Variants in CHAF1B observed in about 807,000 individuals in gnomAD.
CHAF1B encodes the protein CAF-1 subunit B.
A neutral mutation model predicts 60.7 loss-of-function variants in CHAF1B; 10 were observed. That is an observed-to-expected ratio of 0.16 (90% CI 0.10 to 0.28). The LOEUF is 0.28. Ranked by LOEUF, CHAF1B falls within the 10% of genes least tolerant of loss-of-function variation. CHAF1B has a pLI of 1.00. For missense variants in CHAF1B, 558 were observed against 708.4 expected (o/e 0.79, Z 2.41); for synonymous variants, 261 against 266.1 (o/e 0.98, Z 0.19).
intron 11 of CHAF1B, 124 bp from the exon 12 acceptor site, chr21:36,412,760 A>T (rs2086287674): frequency 1.2e-6 from 1 of 846,426 alleles, no homozygotes; most frequent in Non-Finnish European, 1.8e-6. Flanking sequence ...ACTCTTTTCC[A>T]GTTGTATCTT....
intron 8 of CHAF1B, among the ~76,000 whole-genome samples, chr21:36,406,318 C>T (rs1368855305): frequency 5.9e-5 from 9 of 152,088 alleles, no homozygotes; most frequent in Non-Finnish European, 1.3e-4. Flanking sequence ...AGGGTTTCAC[C>T]CTTGTCGCCC....
At position 36,413,262 on chromosome 21, in the gene CHAF1B, A is replaced by C. The variant is rs374268527; in HGVS notation, c.1440A>C (p.Pro480=). The C allele has an allele frequency of 2.2e-5, 36 of 1,613,106 alleles. No homozygotes were observed. The African/African-American group carries it at 4.8e-4, about 22-fold the overall frequency. The change falls in exon 12 of 14, where the codon CCA becomes CCC. Residue 480 remains proline (P), a synonymous_variant. Coordinates refer to ENST00000314103, the MANE Select transcript of CHAF1B (RefSeq NM_005441.3). ...QPSSQNTKAH[P]SRRVTLNTLQ... ...GTAGTCAAAACACAAAAGCCCACCC[A>C]TCCCGGAGGGTCACTCTGAACACAC...
Position 36,387,653 on chromosome 21 carries a change from A to C in CHAF1B, c.182A>C (p.Asn61Thr). ...DGKAIVEFLS[N>T]LARHTKAVNV... The stretch of plus-strand genomic sequence containing the variant: ...AAAGCCATCGTGGAATTTTTGTCCA[A>C]TCTTGCTCGTCATACCAAAGCCGTC... The change falls in exon 3 of 14, where the codon AAT becomes ACT. Residue 61 changes from asparagine to threonine, a missense_variant. Physicochemically the swap from Asn to Thr is moderately conservative, Grantham distance 65. Coordinates refer to ENST00000314103, the MANE Select transcript of CHAF1B (RefSeq NM_005441.3). The C allele has an allele frequency of 6.2e-7, 1 of 1,614,174 alleles. No homozygotes were observed. Among genetic ancestry groups the C allele is most frequent in the South Asian group, 1.1e-5 (1 of 91,086 alleles).
chr21:36,410,007 A>G (rs182436629), intron 10 of CHAF1B, among the ~76,000 whole-genome samples: 370 of 148,032 alleles, frequency 2.5e-3, no homozygotes, highest in Non-Finnish European at 4.4e-3. Flanking sequence ...TCTGTCGCCC[A>G]GGCTGGAGTG....
At position 36,411,373 on chromosome 21, in the gene CHAF1B, C is replaced by T. The variant is rs1490435560; in HGVS notation, c.920-90C>T. On this transcript the variant is annotated intron_variant, in intron 10 of 13. Coordinates refer to ENST00000314103, the MANE Select transcript of CHAF1B (RefSeq NM_005441.3). ...AAGTGATCCACCCGGCTCGGCCTCC[C>T]AAAGTGCTGGGATTCTAGGCGTGAG... The T allele has an allele frequency of 6.5e-6, 10 of 1,530,314 alleles. No individual in the cohort carries two copies. The African/African-American group carries it at 9.6e-5, about 15-fold the overall frequency. 94.8% of individuals were successfully genotyped at this position (1,530,314 alleles called of 1,614,324 possible). A position where few individuals can be genotyped will look rare whatever the true frequency, so the allele number is the denominator to read the frequency against.
At position 36,413,419 on chromosome 21, in the gene CHAF1B, A is replaced by G. The variant is rs2086294323; in HGVS notation, c.1493+104A>G. The stretch of plus-strand genomic sequence containing the variant: ...TGAAATTTCAGGCGGTGAATGCTTC[A>G]TGCCAGTAGGTTGCCAGAGAGATTC... On this transcript the variant is annotated intron_variant, in intron 12 of 13. Transcript: ENST00000314103. 4.6e-6 allele frequency: 5 copies of G among 1,087,770 alleles called. No homozygotes were observed. In the South Asian group the frequency reaches 4.9e-5, roughly 11 times the overall value. The allele number at this position is 1,087,770 out of a possible 1,614,324, so 67.4% of individuals were successfully genotyped here.
At chr21:36,386,020 C>A (rs2086028988) in intron 1 of CHAF1B, 40 bp from the exon 2 acceptor site, 1 of 1,277,324 alleles carries the variant, frequency 7.8e-7, no homozygotes, top group Non-Finnish European at 1.1e-6. Context: ...GCTCAATAAC[C>A]CTTTGCTGCT....
At chr21:36,403,287 C>G (rs1284848838) in intron 8 of CHAF1B, among the ~76,000 whole-genome samples, 1 of 151,420 alleles carries the variant, frequency 6.6e-6, no homozygotes, top group African/African-American at 2.4e-5. Flanking sequence ...GTGAAACACC[C>G]TCTCTATTAA....
intron 4 of CHAF1B, among the ~76,000 whole-genome samples, chr21:36,394,064 A>ATT (rs996810974): frequency 8.3e-6 from 1 of 119,828 alleles, no homozygotes; most frequent in African/African-American, 3.2e-5. Context: ...ACACCTGGCT[A>ATT]TTTTTTTTTT....
chr21:36,400,070 G>C (rs1331364402), intron 7 of CHAF1B, among the ~76,000 whole-genome samples: 1 of 152,062 alleles, frequency 6.6e-6, no homozygotes, highest in African/African-American at 2.4e-5. Context: ...CCAGCTACTC[G>C]GGAGGCTGAG....
intron 4 of CHAF1B, among the ~76,000 whole-genome samples, chr21:36,393,836 C>T (rs552565367): frequency 1.1e-4 from 16 of 152,216 alleles, no homozygotes; most frequent in African/African-American, 1.7e-4. Context: ...CATTTTAATG[C>T]TTAGTTCTGG....
intron 13 of CHAF1B, chr21:36,415,652 C>G: frequency 4.0e-6 from 2 of 504,492 alleles, no homozygotes; most frequent in Non-Finnish European, 7.2e-6. Context: ...GACTGCTGAC[C>G]TTGTGGGCCA....
intron 5 of CHAF1B, 80 bp downstream of exon 5, chr21:36,394,730 C>CTTTT (rs370521957): frequency 3.3e-5 from 18 of 539,148 alleles, no homozygotes; most frequent in Non-Finnish European, 4.0e-5. Context: ...CTTGCTTTAA[C>CTTTT]TTTTTTTTTT....
chr21:36,407,324 G>A (rs952282680), intron 8 of CHAF1B, among the ~76,000 whole-genome samples: 2 of 150,934 alleles, frequency 1.3e-5, no homozygotes, highest in African/African-American at 4.9e-5. Flanking sequence ...AAAAGTATAT[G>A]TTCAAGGATG....
chr21:36,394,731 T>TA, intron 5 of CHAF1B, 81 bp downstream of exon 5: 2 of 162,806 alleles, frequency 1.2e-5, no homozygotes, highest in East Asian at 1.8e-4. Flanking sequence ...TTGCTTTAAC[T>TA]TTTTTTTTTT....
At chr21:36,408,706 C>G in intron 8 of CHAF1B, 55 bp from the exon 9 acceptor site, 1 of 1,259,960 alleles carries the variant, frequency 7.9e-7, no homozygotes, top group Non-Finnish European at 1.2e-6. Flanking sequence ...TGTTGGTGAA[C>G]AGTTTGCTGA....
At chr21:36,396,848 T>G (rs2086144259) in intron 5 of CHAF1B, among the ~76,000 whole-genome samples, 1 of 152,186 alleles carries the variant, frequency 6.6e-6, no homozygotes, top group African/African-American at 2.4e-5. Context: ...CTCTTTGTCA[T>G]CTTCTAAACC....
intron 11 of CHAF1B, 99 bp from the exon 12 acceptor site, chr21:36,412,785 C>A: frequency 8.8e-7 from 1 of 1,130,438 alleles, no homozygotes; most frequent in Non-Finnish European, 1.3e-6. Context: ...CTGGTTTTTG[C>A]CTTCAAACAA....
In CHAF1B at chr21:36,397,474, C is replaced by G. The variant is rs773935139; in HGVS notation, c.541C>G (p.Pro181Ala). The G allele has an allele frequency of 5.1e-6, 8 of 1,563,438 alleles. No homozygotes were observed. The South Asian group carries it at 7.1e-5, about 14-fold the overall frequency. Residue 181 changes from proline (P) to alanine (A), a missense_variant, in exon 6 of 14, where the codon CCT (proline) becomes GCT (alanine). Physicochemically the swap from Pro to Ala is conservative, Grantham distance 27. Transcript: ENST00000314103. ...KSYVQGVTWDPLGQYVATLSC... is the reference protein window; with the variant it reads ...KSYVQGVTWDALGQYVATLSC... ...TTATGTCCAAGGAGTAACCTGGGAC[C>G]CTTTGGGTCAATATGTTGCTACTCT... is the stretch of plus-strand genomic sequence containing the variant.
Sources: allele counts gnomAD v4.1 joint callset (sites outside exome capture counted in the v4.1 genomes callset), GRCh38; gene constraint gnomAD v4.1.1; transcripts MANE v1.5; gene names NCBI Gene and HGNC (gene_info 2026-07-23, HGNC 2026-07-21).